ZNF701: variants seen among roughly 807,000 people sequenced by gnomAD.
ZNF701 encodes the protein zinc finger protein 701.
A neutral mutation model predicts 7.1 loss-of-function variants in ZNF701; 6 were observed. The observed-to-expected ratio is 0.84, with a 90% CI of 0.46 to 1.66. The LOEUF is 1.66. ZNF701 is among the 40% of genes most tolerant of loss of function. ZNF701 has a pLI of 0.01. For synonymous variants in ZNF701, 166 were observed against 188.2 expected (o/e 0.88, Z 0.97); for missense variants, 541 against 559.2 (o/e 0.97, Z 0.33).
At chr19:52,599,050 CAG>C in the ZNF701 span, among the ~76,000 whole-genome samples, 3 of 150,948 alleles carry the variant, frequency 2.0e-5, no homozygotes, top group Middle Eastern at 3.4e-3. Context: ...TTTTTTTAGA[CAG>C]AGTTTTTCTC....
In ZNF701 at chr19:52,578,783, A is replaced by G. The variant is rs148822825; in HGVS notation, c.142+2762A>G. On this transcript the variant is annotated intron_variant, in intron 3 of 3. Coordinates refer to ENST00000391785, the MANE Select transcript of ZNF701 (RefSeq NM_018260.3). ...ATTTCTTTTATTTTTGTTGAAACGG[A>G]GTCTTGCTCTGTCGCCCAGGCTGGA... Among the ~76,000 whole-genome samples the G allele has an allele frequency of 1.7e-3, 256 of 152,300 alleles. 5 individuals are homozygous for G. In the East Asian group the frequency reaches 0.038, roughly 23 times the overall value.
Position 52,582,768 on chromosome 19 carries a change from C to A in ZNF701, c.709C>A (p.His237Asn). 6.2e-7 allele frequency: 1 copy of A among 1,614,088 alleles called. No individual in the cohort carries two copies. The part of the protein sequence containing the change: ...SSLLKKHQII[H>N]LGDKQYKCDV... ...ACTCTTAAAAAAACATCAGATAATC[C>A]ATTTAGGAGACAAACAGTATAAATG... is the stretch of plus-strand genomic sequence containing the variant. The change falls in exon 4 of 4, where the codon CAT becomes AAT. Residue 237 changes from histidine (H) to asparagine (N), a missense_variant. Coordinates refer to ENST00000391785, the MANE Select transcript of ZNF701 (RefSeq NM_018260.3).
Position 52,586,412 on chromosome 19 carries a change from CT to C in ZNF701, c.*2958del, listed in dbSNP as rs2147001171. On this transcript the variant is annotated 3_prime_UTR_variant, in exon 4 of 4. Transcript: ENST00000391785. ...GTGGCTCATGCCTGTCATCCCAGCA[CT>C]TTGTGAGGCCGATTCTCCTCTATCC... 1 of 152,214 alleles carries C rather than the reference CT, an allele frequency of 6.6e-6. No individual in the cohort carries two copies. The highest frequency in any genetic ancestry group is 2.1e-4 in the South Asian group (1 of 4,822). 9.4% of individuals were successfully genotyped at this position (152,214 alleles called of 1,614,324 possible). A position where few individuals can be genotyped will look rare whatever the true frequency, so the allele number is the denominator to read the frequency against.
chr19:52,595,724 G>T, the ZNF701 span: 2 of 1,555,570 alleles, frequency 1.3e-6, no homozygotes, highest in East Asian at 2.3e-5. Flanking sequence ...TCACACTGGA[G>T]ATTTTTGCTT....
intron 2 of ZNF701, among the ~76,000 whole-genome samples, chr19:52,575,244 C>A (rs1437778882): frequency 6.6e-6 from 1 of 152,170 alleles, no homozygotes; most frequent in Non-Finnish European, 1.5e-5. Context: ...GCTGGGATTA[C>A]AGGCATGAGC....
At position 52,583,828 on chromosome 19, in the gene ZNF701, C is replaced by T; in HGVS notation, c.*371C>T. On this transcript the variant is annotated 3_prime_UTR_variant, in exon 4 of 4. Coordinates refer to ENST00000391785, the MANE Select transcript of ZNF701 (RefSeq NM_018260.3). ...TGTCACAAAGTCTTCAGTAATATTA[C>T]AGCCATTGCAAAACATTGGAGAATC... is the stretch of plus-strand genomic sequence containing the variant. 1.8e-6 allele frequency: 1 copy of T among 554,246 alleles called. No homozygotes were observed. 34.3% of individuals were successfully genotyped at this position (554,246 alleles called of 1,614,324 possible).
the ZNF701 span, among the ~76,000 whole-genome samples, chr19:52,598,335 G>T: frequency 6.6e-6 from 1 of 152,176 alleles, no homozygotes; most frequent in East Asian, 1.9e-4. Context: ...CTCTTAAGTT[G>T]AAAATGGTTT....
rs191011791 is a variant in ZNF701 at position 52,581,977 on chromosome 19, G to T, written c.143-225G>T. Among the ~76,000 whole-genome samples the T allele has an allele frequency of 4.2e-3, 642 of 152,284 alleles. 5 individuals carry two copies. The highest frequency in any genetic ancestry group is 0.013 in the African/African-American group (524 of 41,564). ...GCTTACACATGTTTGTGCCCTGTCAGTGTTTCGTCATGATATTGGAAATAG... is the reference window on the plus strand; with the variant it reads ...GCTTACACATGTTTGTGCCCTGTCATTGTTTCGTCATGATATTGGAAATAG... On this transcript the variant is annotated intron_variant, in intron 3 of 3. Transcript: ENST00000391785.
At chr19:52,590,353 C>T (rs145195932), downstream of ZNF701, among the ~76,000 whole-genome samples, 50 of 151,724 alleles carry the variant, frequency 3.3e-4, no homozygotes, top group African/African-American at 9.4e-4. Context: ...CCACCCACCT[C>T]GGCTTTCAAG....
At chr19:52,574,685 A>G (rs905125122) in intron 2 of ZNF701, among the ~76,000 whole-genome samples, 3 of 152,214 alleles carry the variant, frequency 2.0e-5, no homozygotes, top group African/African-American at 7.2e-5. Flanking sequence ...GAAAGTTCAT[A>G]AACAGACATG....
intron 1 of ZNF701, among the ~76,000 whole-genome samples, chr19:52,571,392 A>C (rs1390027466): frequency 1.3e-5 from 2 of 152,020 alleles, no homozygotes; most frequent in African/African-American, 4.8e-5. Flanking sequence ...GAGAAGAGAG[A>C]ATTTAACAGG....
downstream of ZNF701, among the ~76,000 whole-genome samples, chr19:52,590,880 A>T (rs1367811329): frequency 6.6e-6 from 1 of 152,176 alleles, no homozygotes; most frequent in Non-Finnish European, 1.5e-5. Flanking sequence ...TCATTCTGTC[A>T]TCAGGCTAAA....
chr19:52,572,280 C>G, intron 1 of ZNF701: 1 of 691,164 alleles, frequency 1.4e-6, no homozygotes, highest in Non-Finnish European at 2.2e-6. Context: ...GTCTCGAACT[C>G]CCGACATCAG....
intron 3 of ZNF701, among the ~76,000 whole-genome samples, chr19:52,581,367 C>A (rs1407986675): frequency 2.6e-5 from 4 of 152,102 alleles, no homozygotes; most frequent in African/African-American, 9.6e-5. Context: ...TTACAGGTGC[C>A]CACCACCACA....
chr19:52,599,168 C>T, the ZNF701 span, among the ~76,000 whole-genome samples: 3 of 151,654 alleles, frequency 2.0e-5, no homozygotes, highest in African/African-American at 7.3e-5. Flanking sequence ...GCTGGGATTA[C>T]AGGTATGAAC....
Position 52,585,007 on chromosome 19 carries a change from G to A in ZNF701, c.*1550G>A, listed in dbSNP as rs2060000249. ...CCAGTTCTCTGGTACTGCTATACCGGGGACGTGGGTGTCTCCACAGACCTG... is the reference window on the plus strand; with the variant it reads ...CCAGTTCTCTGGTACTGCTATACCGAGGACGTGGGTGTCTCCACAGACCTG... On this transcript the variant is annotated 3_prime_UTR_variant, in exon 4 of 4. Coordinates refer to ENST00000391785, the MANE Select transcript of ZNF701 (RefSeq NM_018260.3). The A allele has an allele frequency of 6.6e-6, 1 of 152,276 alleles. No homozygotes were observed. The highest frequency in any genetic ancestry group is 2.4e-5 in the African/African-American group (1 of 41,452). The allele number at this position is 152,276 out of a possible 1,614,324, so 9.4% of individuals were successfully genotyped here. A position where few individuals can be genotyped will look rare whatever the true frequency, so the allele number is the denominator to read the frequency against.
intron 3 of ZNF701, among the ~76,000 whole-genome samples, chr19:52,581,883 A>T (rs573235349): frequency 1.3e-5 from 2 of 152,266 alleles, no homozygotes; most frequent in South Asian, 2.1e-4. Context: ...CTTTGATGTG[A>T]CAGTGATACG....
Position 52,575,977 on chromosome 19 carries a change from A to G in ZNF701, c.98A>G (p.Tyr33Cys), listed in dbSNP as rs368660362. The change falls in exon 3 of 4, where the codon TAC becomes TGC. Residue 33 changes from tyrosine to cysteine, a missense_variant. Physicochemically the swap from Tyr to Cys is radical, Grantham distance 194. Coordinates refer to ENST00000391785, the MANE Select transcript of ZNF701 (RefSeq NM_018260.3). Reference sequence around the variant, plus strand: ...CTGGACCCTGCTCAGAGGACTCTATACAGAGACGTGATGCTGGAGAATTAT... The same window carrying G: ...CTGGACCCTGCTCAGAGGACTCTATGCAGAGACGTGATGCTGGAGAATTAT... ...KCLDPAQRTL[Y>C]RDVMLENYRN... is the part of the protein sequence containing the mutation. The G allele has an allele frequency of 1.3e-6, 2 of 1,589,082 alleles. No homozygotes were observed. The highest frequency in any genetic ancestry group is 2.8e-5 in the African/African-American group (2 of 72,518).
chr19:52,578,253 CA>C (rs58385761), intron 3 of ZNF701, among the ~76,000 whole-genome samples: 5,529 of 40,844 alleles, frequency 0.14, 34 homozygotes, highest in African/African-American at 0.19. Flanking sequence ...GACTCCGTCT[CA>C]AAAAAAAAAA....
Sources: gnomAD v4.1 joint callset for allele counts (sites outside exome capture counted in the v4.1 genomes callset) on GRCh38, gnomAD v4.1.1 for gene constraint, MANE v1.5 for transcripts, NCBI Gene and HGNC (gene_info 2026-07-23, HGNC 2026-07-21) for gene names.